The following CROCC2 variants were observed in gnomAD, a reference collection of about 807,000 sequenced individuals.
CROCC2 encodes ciliary rootlet coiled-coil protein 2.
CROCC2 carries 163 observed loss-of-function variants against 177.6 expected under a neutral mutation model. The ratio of observed to expected loss-of-function variants is 0.92; its 90% CI spans 0.81 to 1.05. The LOEUF (loss-of-function observed/expected upper bound fraction) is 1.05. Among genes scored for constraint, CROCC2 ranks in the 50% least tolerant of loss-of-function variants. The pLI is 0.00. For synonymous variants in CROCC2, 904 were observed against 787.3 expected (o/e 1.15, Z -2.48); for missense variants, 1,929 against 1,797.8 (o/e 1.07, Z -1.32).
intron 30 of CROCC2, among the ~76,000 whole-genome samples, chr2:240,990,860 G>C (rs775782394): frequency 3.3e-5 from 5 of 151,780 alleles, no homozygotes; most frequent in Admixed American, 1.3e-4. Context: ...CACCCAAAGT[G>C]CTGGGATTAC....
intron 22 of CROCC2, among the ~76,000 whole-genome samples, chr2:240,964,935 G>T (rs774177460): frequency 6.6e-5 from 10 of 152,236 alleles, no homozygotes; most frequent in Non-Finnish European, 1.5e-4. Flanking sequence ...GCACACGGAA[G>T]TATCCTACAT....
rs1306411492 is a variant in CROCC2 at position 240,988,691 on chromosome 2, C to CA, written c.4552-47dup. ...TCCCAGAGGAGGGCTGGCCTGACCTCACTCCCTGCCAGGAGGCCACAGGTT... is the reference window on the plus strand; with the variant it reads ...TCCCAGAGGAGGGCTGGCCTGACCTCAACTCCCTGCCAGGAGGCCACAGGTT... On this transcript the variant is annotated intron_variant, in intron 28 of 31. Transcript: ENST00000690015. 2.2e-6 allele frequency: 3 copies of CA among 1,335,122 alleles called. No homozygotes were observed. In the African/African-American group the frequency reaches 4.5e-5, roughly 20 times the overall value. The allele number at this position is 1,335,122 out of a possible 1,614,324, so 82.7% of individuals were successfully genotyped here. A position where few individuals can be genotyped will look rare whatever the true frequency, so the allele number is the denominator to read the frequency against.
At chr2:240,945,256 G>A (rs749573741) in intron 14 of CROCC2, among the ~76,000 whole-genome samples, 1 of 152,282 alleles carries the variant, frequency 6.6e-6, no homozygotes, top group East Asian at 1.9e-4. Flanking sequence ...TTTGACCCTG[G>A]CAGGCAGTGA....
At chr2:240,975,377 T>C (rs2059752817) in intron 27 of CROCC2, among the ~76,000 whole-genome samples, 2 of 152,192 alleles carry the variant, frequency 1.3e-5, no homozygotes, top group Admixed American at 6.5e-5. Flanking sequence ...CAGAGCTAAC[T>C]CTGTCCTGTG....
chr2:240,952,315 C>CAAAA (rs71049540), intron 18 of CROCC2, among the ~76,000 whole-genome samples: 1,417 of 113,398 alleles, frequency 0.012, 26 homozygotes, highest in African/African-American at 0.033. Context: ...TACTCCTTCT[C>CAAAA]AAAAAAAAAA....
chr2:240,950,463 C>T lies in CROCC2; in HGVS notation c.2782C>T (p.Gln928Ter). 1 of 1,550,240 alleles carries T rather than the reference C, an allele frequency of 6.5e-7. No homozygotes were observed. The highest frequency in any genetic ancestry group is 8.7e-7 in the Non-Finnish European group (1 of 1,146,808). Residue 928 changes from glutamine to a stop codon, truncating the protein, a stop_gained, in exon 18 of 32, where the codon CAG becomes TAG. Transcript: ENST00000690015. LOFTEE classifies it high-confidence loss of function. Reference sequence around the variant, plus strand: ...GAAGGGGGAAATTCAGAGCCTGAAGCAGGAGCGGGACGAGAGCCTTCTCCA... The same window carrying T: ...GAAGGGGGAAATTCAGAGCCTGAAGTAGGAGCGGGACGAGAGCCTTCTCCA... ...ALKGEIQSLKQERDESLLQLE... is the reference protein window; with the variant it reads ...ALKGEIQSLK
chr2:240,953,052 T>C lies in CROCC2; in HGVS notation c.2829+2542T>C, dbSNP rs553501940. ...CCAACCACTGGGCAACGTGGCCTGTTCTCATGTGGTTATTTAATCCCAGCT... is the reference window on the plus strand; with the variant it reads ...CCAACCACTGGGCAACGTGGCCTGTCCTCATGTGGTTATTTAATCCCAGCT... On this transcript the variant is annotated intron_variant, in intron 18 of 31. Transcript: ENST00000690015. This position sits in a 1 kb window ranked among gnomAD's most constrained non-coding sequence, Gnocchi z 4.0. Among the ~76,000 whole-genome samples the C allele has an allele frequency of 2.0e-4, 30 of 151,990 alleles. 1 individual carries two copies. In the South Asian group the frequency reaches 6.3e-3, roughly 32 times the overall value.
In CROCC2 at chr2:240,965,900, C is replaced by T. The variant is rs2059680066; in HGVS notation, c.3868C>T (p.Leu1290=). ...TGCAAGGCAGGATGCGGAGGCCCAG[C>T]TGGGCCGGCTGTGCTCCACGCTCCG... ...EGARQDAEAQ[L]GRLCSTLRRG... is the part of the protein sequence containing the mutation. The change falls in exon 24 of 32, where the codon CTG becomes TTG. Residue 1290 remains leucine (L), a synonymous_variant. Transcript: ENST00000690015. 2 of 1,432,194 alleles carry T rather than the reference C, an allele frequency of 1.4e-6. No individual in the cohort carries two copies. Among genetic ancestry groups the T allele is most frequent in the Non-Finnish European group, 1.8e-6 (2 of 1,092,012 alleles). 88.7% of individuals were successfully genotyped at this position (1,432,194 alleles called of 1,614,324 possible). A position where few individuals can be genotyped will look rare whatever the true frequency, so the allele number is the denominator to read the frequency against.
intron 13 of CROCC2, 69 bp downstream of exon 13, chr2:240,935,131 C>A: frequency 7.5e-7 from 1 of 1,326,880 alleles, no homozygotes; most frequent in Non-Finnish European, 9.7e-7. Context: ...GTCTCCCAGC[C>A]CTAGGCCTTC....
At chr2:240,964,656 C>G (rs1401724800) in intron 22 of CROCC2, 31 bp downstream of exon 22, 1 of 1,540,732 alleles carries the variant, frequency 6.5e-7, no homozygotes, top group African/African-American at 1.4e-5. Context: ...CAACATCCAA[C>G]CAGGCACCCT....
At position 240,933,403 on chromosome 2, in the gene CROCC2, G is replaced by C. The variant is rs1482759377; in HGVS notation, c.1463+61G>C. ...GGTGTATGGGATCCTGAGGGCCCAG[G>C]GCTGCTGTCAGGACAAGCACCTCTA... On this transcript the variant is annotated intron_variant, in intron 10 of 31. Coordinates refer to ENST00000690015, the MANE Select transcript of CROCC2 (RefSeq NM_001351305.2). The C allele has an allele frequency of 5.0e-6, 7 of 1,413,814 alleles. No homozygotes were observed. In the South Asian group the frequency reaches 1.0e-4, roughly 21 times the overall value. 87.6% of individuals were successfully genotyped at this position (1,413,814 alleles called of 1,614,324 possible).
chr2:240,961,069 G>T (rs961750459), intron 20 of CROCC2, among the ~76,000 whole-genome samples: 3 of 151,966 alleles, frequency 2.0e-5, no homozygotes, highest in African/African-American at 7.3e-5. Flanking sequence ...TAAAAGCTGA[G>T]GACGGTTAAG....
rs1403819981 is a variant in CROCC2 at position 240,959,239 on chromosome 2, C to A, written c.2944-62C>A. 7.9e-6 allele frequency: 12 copies of A among 1,528,450 alleles called. No homozygotes were observed. In the East Asian group the frequency reaches 2.0e-4, roughly 25 times the overall value. 94.7% of individuals were successfully genotyped at this position (1,528,450 alleles called of 1,614,324 possible). On this transcript the variant is annotated intron_variant, in intron 19 of 31. Coordinates refer to ENST00000690015, the MANE Select transcript of CROCC2 (RefSeq NM_001351305.2). ...CTCTCTCTCCAGGGTCCTGGCCTTA[C>A]CTCACCCTCCACTGCTGGGCCCAGC...
chr2:240,940,774 T>C (rs2059490962), intron 14 of CROCC2, among the ~76,000 whole-genome samples: 1 of 152,152 alleles, frequency 6.6e-6, no homozygotes, highest in Non-Finnish European at 1.5e-5. Flanking sequence ...GCATTCACCC[T>C]GAGAACTGGA....
At chr2:240,950,708 C>T in intron 18 of CROCC2, 198 bp downstream of exon 18, 1 of 562,836 alleles carries the variant, frequency 1.8e-6, no homozygotes. Context: ...TCCATTCATT[C>T]ACCCATCCAT....
intron 4 of CROCC2, among the ~76,000 whole-genome samples, chr2:240,925,201 G>A (rs1463020768): frequency 6.6e-6 from 1 of 152,228 alleles, no homozygotes; most frequent in Non-Finnish European, 1.5e-5. Flanking sequence ...AACCCAAGAG[G>A]AGGCTTAGGC....
Position 240,960,129 on chromosome 2 carries a change from C to G in CROCC2, c.3087+685C>G, listed in dbSNP as rs1164675211. 6.6e-6 allele frequency among the ~76,000 whole-genome samples: 1 copy of G among 152,242 alleles called. No individual in the cohort carries two copies. Among genetic ancestry groups the G allele is most frequent in the Admixed American group, 6.5e-5 (1 of 15,286 alleles). ...AAGCCTTCCCGAGAGACAGGCATGACCTGGGGCGAAGGGGAATTCGGACCC... is the reference window on the plus strand; with the variant it reads ...AAGCCTTCCCGAGAGACAGGCATGAGCTGGGGCGAAGGGGAATTCGGACCC... On this transcript the variant is annotated intron_variant, in intron 20 of 31. Coordinates refer to ENST00000690015, the MANE Select transcript of CROCC2 (RefSeq NM_001351305.2). The surrounding 1 kb of genome is among the most constrained non-coding windows in gnomAD (Gnocchi z 5.0).
chr2:240,918,906 G>C lies in CROCC2; in HGVS notation c.229+30G>C. The C allele has an allele frequency of 1.5e-6, 1 of 676,298 alleles. No homozygotes were observed. The highest frequency in any genetic ancestry group is 1.6e-5 in the South Asian group (1 of 62,484). The allele number at this position is 676,298 out of a possible 1,614,324, so 41.9% of individuals were successfully genotyped here. ...TGGTGTGGGGGACAGTCCTGGGCCC[G>C]GGGCTGGCCAAGGTGACGGCGTGGG... On this transcript the variant is annotated intron_variant, in intron 2 of 31. Transcript: ENST00000690015. This position sits in a 1 kb window ranked among gnomAD's most constrained non-coding sequence, Gnocchi z 6.3.
chr2:240,962,006 TCACCCA>T (rs1559606478), intron 20 of CROCC2, among the ~76,000 whole-genome samples: 3 of 65,282 alleles, frequency 4.6e-5, no homozygotes, highest in East Asian at 4.5e-4. Context: ...CACACACTCA[TCACCCA>T]CACACACACA....
Sources: gnomAD v4.1 joint callset for allele counts (sites outside exome capture counted in the v4.1 genomes callset) on GRCh38, gnomAD v4.1.1 for gene constraint, Gnocchi (gnomAD v3.1) non-coding constraint, MANE v1.5 for transcripts, NCBI Gene and HGNC (gene_info 2026-07-23, HGNC 2026-07-21) for gene names.